ANGPT2: variants seen among roughly 807,000 people sequenced by gnomAD.
ANGPT2 encodes angiopoietin-2.
In ANGPT2, 28 loss-of-function variants were observed where a neutral mutation model predicts 62.9. The ratio of observed to expected loss-of-function variants is 0.44; its 90% CI spans 0.33 to 0.61. The LOEUF (loss-of-function observed/expected upper bound fraction) is 0.61. Among genes scored for constraint, ANGPT2 ranks in the 20% least tolerant of loss-of-function variants. The pLI is 0.03. For missense variants in ANGPT2, 727 were observed against 594.9 expected (o/e 1.22, Z -2.31); for synonymous variants, 284 against 207.8 (o/e 1.37, Z -3.15).
At chr8:6,561,415 A>G (rs934942155) in intron 1 of ANGPT2, among the ~76,000 whole-genome samples, 4 of 152,250 alleles carry the variant, frequency 2.6e-5, no homozygotes, top group African/African-American at 9.6e-5. Flanking sequence ...ATAATAACTT[A>G]GTCGTTTCCT....
intron 1 of ANGPT2, among the ~76,000 whole-genome samples, chr8:6,544,985 G>A (rs918330209): frequency 6.6e-6 from 1 of 152,164 alleles, no homozygotes; most frequent in Non-Finnish European, 1.5e-5. Flanking sequence ...GGTATGATGA[G>A]CTCATGCTCT....
At chr8:6,509,632 G>A (rs998765307) in intron 7 of ANGPT2, among the ~76,000 whole-genome samples, 5 of 152,224 alleles carry the variant, frequency 3.3e-5, no homozygotes, top group African/African-American at 1.2e-4. Context: ...AGGAACAAAT[G>A]TCGGAGTAAG....
rs1386867927 is a variant in ANGPT2, at chr8:6,502,125, C to T, written c.*976G>A. 1.3e-5 allele frequency: 2 copies of T among 151,904 alleles called. No homozygotes were observed. Among genetic ancestry groups the T allele is most frequent in the East Asian group, 3.9e-4 (2 of 5,192 alleles). The allele number at this position is 151,904 out of a possible 1,614,324, so 9.4% of individuals were successfully genotyped here. On this transcript the variant is annotated 3_prime_UTR_variant, in exon 9 of 9. Coordinates refer to ENST00000629816, the MANE Select transcript of ANGPT2 (RefSeq NM_001118887.2). ...TATCTTACTAGGAAAGAAAACAGAC[C>T]TCTGTTTTAGAATAGTGAGAAGATA...
chr8:6,507,517 TC>T (rs1050021621), intron 8 of ANGPT2: 1 of 152,090 alleles, frequency 6.6e-6, no homozygotes, highest in Admixed American at 6.6e-5. Flanking sequence ...TAGCGTTTGT[TC>T]CTGTCAGTGA....
In ANGPT2 at chr8:6,505,475, AT is replaced by A. The variant is rs1191045473; in HGVS notation, c.1328-2215del. Among the ~76,000 whole-genome samples the A allele has an allele frequency of 1.3e-3, 94 of 71,264 alleles. 3 individuals carry two copies. The highest frequency in any genetic ancestry group is 5.0e-3 in the African/African-American group (89 of 17,812). The allele number at this position is 71,264 out of a possible 152,430, so 46.8% of individuals were successfully genotyped here. ...TATAGAATATATATATTCTTTACAT[AT>A]ATAGAATATATATATTCTTTATATA... On this transcript the variant is annotated intron_variant, in intron 8 of 8. Transcript: ENST00000629816.
intron 3 of ANGPT2, among the ~76,000 whole-genome samples, chr8:6,523,706 C>T (rs1277426757): frequency 1.3e-5 from 2 of 152,154 alleles, no homozygotes; most frequent in East Asian, 1.9e-4. Flanking sequence ...TCTCCTGCCT[C>T]AGCCTCCTGA....
In ANGPT2 at chr8:6,501,940, T is replaced by C. The variant is rs1029729830; in HGVS notation, c.*1161A>G. On this transcript the variant is annotated 3_prime_UTR_variant, in exon 9 of 9. Transcript: ENST00000629816. ...TGCACTTTGAAACCCTTTTTTTTTT[T>C]TCAGTTTGCTGATTGACATAAAAAA... is the stretch of plus-strand genomic sequence containing the variant. 2.6e-5 allele frequency: 4 copies of C among 152,052 alleles called. No individual in the cohort carries two copies. The highest frequency in any genetic ancestry group is 9.7e-5 in the African/African-American group (4 of 41,416). 9.4% of individuals were successfully genotyped at this position (152,052 alleles called of 1,614,324 possible). A position where few individuals can be genotyped will look rare whatever the true frequency, so the allele number is the denominator to read the frequency against.
In ANGPT2 at chr8:6,529,880, G is replaced by A. The variant is rs563376107; in HGVS notation, c.445-2204C>T. Among the ~76,000 whole-genome samples the A allele has an allele frequency of 2.9e-3, 326 of 111,670 alleles. 2 individuals carry two copies. The highest frequency in any genetic ancestry group is 8.2e-3 in the African/African-American group (301 of 36,638). 73.3% of individuals were successfully genotyped at this position (111,670 alleles called of 152,430 possible). The stretch of plus-strand genomic sequence containing the variant: ...AACATGATATCTAGTTTCACAATAG[G>A]CGTTTTTTTTTTAAATCATATGACG... On this transcript the variant is annotated intron_variant, in intron 2 of 8. Transcript: ENST00000629816.
chr8:6,510,158 C>T (rs61483562), intron 7 of ANGPT2, among the ~76,000 whole-genome samples: 1 of 146,656 alleles, frequency 6.8e-6, no homozygotes. Context: ...GTTGTTTTTT[C>T]TTTTTTTTTT....
intron 1 of ANGPT2, among the ~76,000 whole-genome samples, chr8:6,549,592 C>G (rs904678686): frequency 6.6e-6 from 1 of 151,810 alleles, no homozygotes; most frequent in Non-Finnish European, 1.5e-5. Flanking sequence ...GGGAAGCCTT[C>G]TGCATCTTGA....
chr8:6,526,304 C>T (rs1818328039), intron 3 of ANGPT2, among the ~76,000 whole-genome samples: 1 of 137,842 alleles, frequency 7.3e-6, no homozygotes, highest in Non-Finnish European at 1.5e-5. Flanking sequence ...GTGTGTGACA[C>T]ATGCCTGTAG....
At chr8:6,524,433 G>A (rs979641662) in intron 3 of ANGPT2, among the ~76,000 whole-genome samples, 1 of 152,094 alleles carries the variant, frequency 6.6e-6, no homozygotes, top group Non-Finnish European at 1.5e-5. Context: ...ACCTTGAACC[G>A]GCCATTTAAC....
intron 3 of ANGPT2, among the ~76,000 whole-genome samples, chr8:6,524,370 G>C (rs188117902): frequency 6.6e-6 from 1 of 152,144 alleles, no homozygotes; most frequent in East Asian, 1.9e-4. Context: ...GCTTTTCTGC[G>C]AAGGCATATG....
intron 1 of ANGPT2, among the ~76,000 whole-genome samples, chr8:6,550,525 T>C (rs1227114493): frequency 1.3e-5 from 2 of 152,188 alleles, no homozygotes; most frequent in Admixed American, 6.5e-5. Context: ...CTGCTCACCA[T>C]TTCCCAGATT....
Position 6,500,220 on chromosome 8 carries a change from G to T in ANGPT2, c.*2881C>A. On this transcript the variant is annotated 3_prime_UTR_variant, in exon 9 of 9. Transcript: ENST00000629816. ...TGAAAAAAGACTGAATTCTTGGGCA[G>T]GTAGTCTTATATCTTGCTTAATGTT... is the stretch of plus-strand genomic sequence containing the variant. 1 of 403,486 alleles carries T rather than the reference G, an allele frequency of 2.5e-6. No homozygotes were observed. Among genetic ancestry groups the T allele is most frequent in the South Asian group, 2.3e-5 (1 of 42,998 alleles). 25.0% of individuals were successfully genotyped at this position (403,486 alleles called of 1,614,324 possible).
chr8:6,545,337 T>C (rs1178578649), intron 1 of ANGPT2, among the ~76,000 whole-genome samples: 1 of 152,172 alleles, frequency 6.6e-6, no homozygotes, highest in Non-Finnish European at 1.5e-5. Flanking sequence ...TTTATCCATT[T>C]CCTGTGTTTT....
chr8:6,562,036 C>T (rs1020945484), intron 1 of ANGPT2, among the ~76,000 whole-genome samples: 1 of 152,148 alleles, frequency 6.6e-6, no homozygotes, highest in African/African-American at 2.4e-5. Flanking sequence ...GGAACTGTGC[C>T]CCTGTTTACA....
At chr8:6,537,739 GTCA>G (rs1293154766) in intron 1 of ANGPT2, among the ~76,000 whole-genome samples, 3 of 152,090 alleles carry the variant, frequency 2.0e-5, no homozygotes, top group Non-Finnish European at 4.4e-5. Flanking sequence ...CACCAAGATT[GTCA>G]TCATTATTTT....
intron 8 of ANGPT2, among the ~76,000 whole-genome samples, chr8:6,506,034 T>C (rs373407166): frequency 4.1e-5 from 6 of 146,854 alleles, no homozygotes; most frequent in Middle Eastern, 7.2e-3. Context: ...AAAACATATA[T>C]ATATTCTTTA....
Sources: gnomAD v4.1 joint callset for allele counts (sites outside exome capture counted in the v4.1 genomes callset) on GRCh38, gnomAD v4.1.1 for gene constraint, MANE v1.5 for transcripts, NCBI Gene and HGNC (gene_info 2026-07-23, HGNC 2026-07-21) for gene names.